PSTPIP1: variants seen among roughly 807,000 people sequenced by gnomAD.
The protein encoded by PSTPIP1 is proline-serine-threonine phosphatase interacting protein 1.
In PSTPIP1, 66 loss-of-function variants were observed where a neutral mutation model predicts 69.6. The observed-to-expected ratio is 0.95, with a 90% CI of 0.78 to 1.16. The LOEUF (loss-of-function observed/expected upper bound fraction) is 1.16. PSTPIP1 is among the 50% of genes most tolerant of loss of function. PSTPIP1 has a pLI of 0.00. For synonymous variants in PSTPIP1, 266 were observed against 222.7 expected, an observed-to-expected ratio of 1.19 and a Z score of -1.73; for missense variants, 603 against 557.4, an observed-to-expected ratio of 1.08 and a Z score of -0.82.
chr15:77,028,301 A>T, intron 6 of PSTPIP1: 1 of 497,076 alleles, frequency 2.0e-6, no homozygotes, highest in East Asian at 3.4e-5. Flanking sequence ...CGAAGAGCAC[A>T]GCCCAGGAGG....
chr15:77,022,398 G>A (rs1328617583), intron 3 of PSTPIP1, among the ~76,000 whole-genome samples: 1 of 152,208 alleles, frequency 6.6e-6, no homozygotes, highest in Non-Finnish European at 1.5e-5. Flanking sequence ...AGCTTCCTGA[G>A]AGCCGAGTCA....
chr15:77,021,062 T>G (rs865878988), intron 3 of PSTPIP1, among the ~76,000 whole-genome samples: 1 of 151,976 alleles, frequency 6.6e-6, no homozygotes, highest in African/African-American at 2.4e-5. Context: ...GACTGGGGGA[T>G]GGGAAGGCTA....
At chr15:77,036,077 T>A (rs1291752150) in intron 14 of PSTPIP1, 142 bp downstream of exon 14, 8 of 1,130,798 alleles carry the variant, frequency 7.1e-6, no homozygotes, top group Middle Eastern at 3.0e-4. Flanking sequence ...GGAGGGCACG[T>A]GTGCCCGAGT....
chr15:76,995,721 G>A, intron 1 of PSTPIP1, 112 bp downstream of exon 1: 1 of 1,577,242 alleles, frequency 6.3e-7, no homozygotes, highest in East Asian at 2.2e-5. Flanking sequence ...TCATAAAATA[G>A]TGGTTGATTC....
intron 3 of PSTPIP1, among the ~76,000 whole-genome samples, chr15:77,020,963 T>A (rs2152680761): frequency 6.6e-6 from 1 of 151,778 alleles, no homozygotes; most frequent in Non-Finnish European, 1.5e-5. Context: ...CATCCCTGAG[T>A]AGGGGAAGCC....
intron 1 of PSTPIP1, among the ~76,000 whole-genome samples, chr15:77,000,845 C>T (rs1157569276): frequency 6.6e-6 from 1 of 152,156 alleles, no homozygotes; most frequent in Non-Finnish European, 1.5e-5. Flanking sequence ...ACGGCCCTCC[C>T]TCCTTTTTTT....
intron 1 of PSTPIP1, among the ~76,000 whole-genome samples, chr15:76,997,887 C>T (rs1040916198): frequency 2.9e-4 from 43 of 150,374 alleles, no homozygotes; most frequent in African/African-American, 1.0e-3. Context: ...CTTCCCCCAC[C>T]CCAGCCCAAG....
chr15:77,034,543 G>A (rs1462935807), intron 12 of PSTPIP1, among the ~76,000 whole-genome samples: 1 of 151,118 alleles, frequency 6.6e-6, no homozygotes, highest in Non-Finnish European at 1.5e-5. Context: ...CTCAGGGTCT[G>A]GTCCAGTCTC....
intron 1 of PSTPIP1, among the ~76,000 whole-genome samples, chr15:77,010,295 C>G (rs552088349): frequency 6.6e-6 from 1 of 152,352 alleles, no homozygotes; most frequent in South Asian, 2.1e-4. Context: ...CAGCACAGTA[C>G]TAACTTGACG....
At chr15:77,036,021 T>A (rs2076563331) in intron 14 of PSTPIP1, 86 bp downstream of exon 14, 4 of 1,437,930 alleles carry the variant, frequency 2.8e-6, no homozygotes, top group Admixed American at 2.5e-5. Context: ...TGCGTCCTCA[T>A]CTCTCCTCAT....
chr15:77,025,639 C>G (rs1357296180), intron 5 of PSTPIP1, 35 bp downstream of exon 5: 8 of 1,511,002 alleles, frequency 5.3e-6, no homozygotes, highest in Non-Finnish European at 6.3e-6. Flanking sequence ...GAGCTGCTCC[C>G]CCATTGCCAG....
chr15:77,019,178 G>A (rs1406880602), intron 3 of PSTPIP1, among the ~76,000 whole-genome samples: 1 of 152,212 alleles, frequency 6.6e-6, no homozygotes, highest in Non-Finnish European at 1.5e-5. Flanking sequence ...CTGCTGGGGT[G>A]GGAGGCCAGG....
intron 1 of PSTPIP1, among the ~76,000 whole-genome samples, chr15:77,000,630 T>C (rs974542282): frequency 5.3e-5 from 8 of 152,182 alleles, no homozygotes; most frequent in Non-Finnish European, 1.2e-4. Context: ...GCTAATATTA[T>C]GCTGTGTTTG....
chr15:77,005,784 T>C (rs1466097707), intron 1 of PSTPIP1, among the ~76,000 whole-genome samples: 4 of 152,254 alleles, frequency 2.6e-5, no homozygotes, highest in African/African-American at 9.6e-5. Flanking sequence ...GCATAATGTC[T>C]TCAAGGCTCA....
Position 77,030,510 on chromosome 15 carries a change from T to C in PSTPIP1, c.571T>C (p.Tyr191His). The C allele has an allele frequency of 6.2e-7, 1 of 1,612,526 alleles. No individual in the cohort carries two copies. The highest frequency in any genetic ancestry group is 1.1e-5 in the South Asian group (1 of 90,982). Reference sequence around the variant, plus strand: ...GCTGCCTGCGCTTTCAGAGCGGGTATACAGGCAGAGCATTGCGCAGCTGGA... The same window carrying C: ...GCTGCCTGCGCTTTCAGAGCGGGTACACAGGCAGAGCATTGCGCAGCTGGA... ...KDSATEAERVYRQSIAQLEKV... is the reference protein window; with the variant it reads ...KDSATEAERVHRQSIAQLEKV... Residue 191 changes from tyrosine to histidine, a missense_variant, in exon 9 of 15, where the codon TAC (tyrosine) becomes CAC (histidine). Physicochemically the swap from Tyr to His is moderately conservative, Grantham distance 83. Transcript: ENST00000558012.
intron 1 of PSTPIP1, among the ~76,000 whole-genome samples, chr15:77,003,174 G>C (rs888818015): frequency 6.6e-6 from 1 of 152,134 alleles, no homozygotes; most frequent in African/African-American, 2.4e-5. Flanking sequence ...CAGAGGCTGC[G>C]GGCTGTGAGT....
At chr15:77,025,797 C>T (rs988456244) in intron 5 of PSTPIP1, among the ~76,000 whole-genome samples, 193 bp downstream of exon 5, 1 of 152,144 alleles carries the variant, frequency 6.6e-6, no homozygotes, top group Non-Finnish European at 1.5e-5. Context: ...GCCGCTGGCA[C>T]TAAGGCCAAC....
At chr15:77,015,920 C>T (rs536508173) in intron 1 of PSTPIP1, 4 of 455,850 alleles carry the variant, frequency 8.8e-6, no homozygotes, top group African/African-American at 4.0e-5. Context: ...GAGCCTGCAG[C>T]CTCTGGGGAC....
At position 77,005,230 on chromosome 15, in the gene PSTPIP1, A is replaced by C. The variant is rs967261499; in HGVS notation, c.36+9621A>C. Among the ~76,000 whole-genome samples the C allele has an allele frequency of 1.1e-4, 16 of 152,310 alleles. No individual in the cohort carries two copies. In the South Asian group the frequency reaches 1.9e-3, roughly 18 times the overall value. ...GAAACCCTGTCTCTACTAAAAATAC[A>C]AAAAATGTAGCCAGGTATGGTGGTG... On this transcript the variant is annotated intron_variant, in intron 1 of 14. Transcript: ENST00000558012.
Sources: gnomAD v4.1 joint callset for allele counts (sites outside exome capture counted in the v4.1 genomes callset) on GRCh38, gnomAD v4.1.1 for gene constraint, MANE v1.5 for transcripts, NCBI Gene and HGNC (gene_info 2026-07-23, HGNC 2026-07-21) for gene names.